RECK: variants seen among roughly 807,000 people sequenced by gnomAD.
RECK encodes reversion-inducing cysteine-rich protein with Kazal motifs.
In RECK, 69 loss-of-function variants were observed where a neutral mutation model predicts 115.1. The ratio of observed to expected loss-of-function variants is 0.60; its 90% confidence interval spans 0.49 to 0.73. RECK has a LOEUF of 0.73. RECK is among the 30% of genes least tolerant of loss of function. The probability of loss-of-function intolerance (pLI) is 0.00; values close to 1 mark genes in which losing one functional copy is unlikely to be tolerated. For synonymous variants in RECK, 414 were observed against 419.7 expected (o/e 0.99, Z 0.17); for missense variants, 1,047 against 1,203.7 (o/e 0.87, Z 1.93).
chr9:36,037,151 C>T (rs1820696300), intron 1 of RECK, 53 bp downstream of exon 1: 1 of 1,154,876 alleles, frequency 8.7e-7, no homozygotes, highest in Non-Finnish European at 1.1e-6. Context: ...GCCGCCACAG[C>T]GCTCCAAGAT....
intron 9 of RECK, 78 bp downstream of exon 9, chr9:36,088,039 T>C (rs956379160): frequency 8.5e-6 from 9 of 1,055,114 alleles, no homozygotes; most frequent in African/African-American, 4.8e-5. Flanking sequence ...AGCAAACGTG[T>C]GTTATATTCT....
intron 8 of RECK, among the ~76,000 whole-genome samples, chr9:36,084,936 T>C (rs1032679603): frequency 6.6e-6 from 1 of 152,042 alleles, no homozygotes; most frequent in Non-Finnish European, 1.5e-5. Context: ...ATAGCTGTAG[T>C]CCTAGCTACT....
In RECK at chr9:36,042,747, C is replaced by T. The variant is rs527291792; in HGVS notation, c.100+5649C>T. ...ATCTACTTTTAGTTCTTTAAGGAAT[C>T]TCCCTACTGTTTTCCATGGTGGTTA... is the stretch of plus-strand genomic sequence containing the variant. On this transcript the variant is annotated intron_variant, in intron 1 of 20. Coordinates refer to ENST00000377966, the MANE Select transcript of RECK (RefSeq NM_021111.3). 5.3e-5 allele frequency among the ~76,000 whole-genome samples: 8 copies of T among 152,236 alleles called. No homozygotes were observed. The South Asian group carries it at 1.7e-3, about 32-fold the overall frequency.
chr9:36,100,242 C>G, intron 10 of RECK, 89 bp from the exon 11 acceptor site: 1 of 1,020,928 alleles, frequency 9.8e-7, no homozygotes, highest in Admixed American at 2.4e-5. Flanking sequence ...CCAGATTTTT[C>G]TGATGCATTA....
At chr9:36,066,469 AT>A (rs897456376) in intron 6 of RECK, among the ~76,000 whole-genome samples, 6 of 151,702 alleles carry the variant, frequency 4.0e-5, no homozygotes, top group South Asian at 2.1e-4. Context: ...TATAGTTTTT[AT>A]TTTTTTTCTT....
intron 14 of RECK, among the ~76,000 whole-genome samples, chr9:36,108,391 C>T (rs1442526614): frequency 6.6e-6 from 1 of 152,120 alleles, no homozygotes; most frequent in Non-Finnish European, 1.5e-5. Flanking sequence ...GAATTCTAAT[C>T]ATGTGCTAAA....
intron 1 of RECK, among the ~76,000 whole-genome samples, chr9:36,043,191 A>ATTT (rs761649232): frequency 0.29 from 15,484 of 53,692 alleles, 2,620 homozygotes; most frequent in Non-Finnish European, 0.34. Context: ...CGCCTGGCTA[A>ATTT]TTTTTTTTTT....
rs114670359 is a variant in RECK, at chr9:36,038,391, T to C, written c.100+1293T>C. ...CCAAAGAATAAAAGAGAAAATGCTG[T>C]GTATTCTTGGCTAAATCAGATTACT... On this transcript the variant is annotated intron_variant, in intron 1 of 20. Transcript: ENST00000377966. 7.2e-3 allele frequency among the ~76,000 whole-genome samples: 1,091 copies of C among 152,314 alleles called. 12 individuals are homozygous for C. The highest frequency in any genetic ancestry group is 0.023 in the African/African-American group (972 of 41,558).
chr9:36,043,535 GTATTT>G (rs1183684701), intron 1 of RECK, among the ~76,000 whole-genome samples: 1 of 151,920 alleles, frequency 6.6e-6, no homozygotes, highest in Non-Finnish European at 1.5e-5. Context: ...TAAGTCCCAT[GTATTT>G]ATCTTTGATT....
chr9:36,064,971 C>T (rs1374299205), intron 5 of RECK, among the ~76,000 whole-genome samples: 2 of 152,054 alleles, frequency 1.3e-5, no homozygotes, highest in Non-Finnish European at 2.9e-5. Flanking sequence ...TGGCAAATAG[C>T]TTGCTACTTC....
intron 2 of RECK, among the ~76,000 whole-genome samples, 182 bp from the exon 3 acceptor site, chr9:36,058,645 A>C (rs1224704313): frequency 6.7e-6 from 1 of 150,238 alleles, no homozygotes; most frequent in Non-Finnish European, 1.5e-5. Context: ...TAAAACTTAA[A>C]GTATAATAAT....
chr9:36,108,369 T>G (rs1823902674), intron 14 of RECK, among the ~76,000 whole-genome samples: 1 of 152,168 alleles, frequency 6.6e-6, no homozygotes, highest in Non-Finnish European at 1.5e-5. Flanking sequence ...CTAATAATAA[T>G]TAATATTTAT....
In RECK at chr9:36,036,962, C is replaced by A. The variant is rs1425385065; in HGVS notation, c.-37C>A. On this transcript the variant is annotated 5_prime_UTR_variant, in exon 1 of 21. Coordinates refer to ENST00000377966, the MANE Select transcript of RECK (RefSeq NM_021111.3). ...GCAGCGGCTGCGGCCAAGCTGGGTC[C>A]GAGCATCCCGCGGCTCTGGAGCCGC... 12 of 1,356,786 alleles carry A rather than the reference C, an allele frequency of 8.8e-6. No individual in the cohort carries two copies. In the East Asian group the frequency reaches 1.3e-4, roughly 14 times the overall value. 84.0% of individuals were successfully genotyped at this position (1,356,786 alleles called of 1,614,324 possible).
rs1824428789 is a variant in RECK, at chr9:36,120,708, A to G, written c.2510A>G (p.Asp837Gly). The change falls in exon 19 of 21, where the codon GAC becomes GGC. Residue 837 changes from aspartate (D) to glycine (G), a missense_variant. Transcript: ENST00000377966. ...LCAGMLRVLF[D>G]KEKLDTIAKV... ...GCTGGGATGTTAAGAGTTTTATTTG[A>G]CAAAGAAAAACTGGATACTATTGCT... The G allele has an allele frequency of 6.2e-7, 1 of 1,612,730 alleles. No homozygotes were observed. Among genetic ancestry groups the G allele is most frequent in the African/African-American group, 1.3e-5 (1 of 74,906 alleles).
chr9:36,115,905 T>TTTTTAGG (rs1824240664), intron 16 of RECK, among the ~76,000 whole-genome samples: 1 of 152,110 alleles, frequency 6.6e-6, no homozygotes, highest in Admixed American at 6.6e-5. Context: ...AAACCCTTTA[T>TTTTTAGG]AAAAATTAGG....
intron 6 of RECK, among the ~76,000 whole-genome samples, chr9:36,077,526 A>G (rs1210563619): frequency 6.6e-6 from 1 of 152,164 alleles, no homozygotes; most frequent in Admixed American, 6.6e-5. Context: ...TTATTCATCA[A>G]ATGCTGGTAT....
At chr9:36,103,467 C>A (rs1823642237) in intron 12 of RECK, among the ~76,000 whole-genome samples, 2 of 151,648 alleles carry the variant, frequency 1.3e-5, no homozygotes, top group South Asian at 4.1e-4. Flanking sequence ...AATCTAGTTC[C>A]AGAAGGTAAA....
chr9:36,084,742 G>GAGGA (rs1204968904), intron 8 of RECK, among the ~76,000 whole-genome samples: 3 of 143,852 alleles, frequency 2.1e-5, no homozygotes, highest in Admixed American at 6.8e-5. Context: ...GGGAGGGAGG[G>GAGGA]AGGAAGGAAG....
chr9:36,060,137 A>G lies in RECK; in HGVS notation c.253A>G (p.Met85Val). The change falls in exon 4 of 21, where the codon ATG becomes GTG. Residue 85 changes from methionine to valine, a missense_variant. Met to Val is a conservative substitution (Grantham distance 21). Coordinates refer to ENST00000377966, the MANE Select transcript of RECK (RefSeq NM_021111.3). ...PETMVEIWNC[M>V]NSSLPGVFKK... ...CTTTTAGGTTGAAATTTGGAATTGT[A>G]TGAATTCATCTTTGCCAGGTAAGCA... The G allele has an allele frequency of 6.2e-7, 1 of 1,613,764 alleles. No individual in the cohort carries two copies. The highest frequency in any genetic ancestry group is 8.5e-7 in the Non-Finnish European group (1 of 1,179,776).
Sources: allele counts gnomAD v4.1 joint callset (sites outside exome capture counted in the v4.1 genomes callset), GRCh38; gene constraint gnomAD v4.1.1; transcripts MANE v1.5; gene names NCBI Gene and HGNC (gene_info 2026-07-23, HGNC 2026-07-21).